The following UNC5C variants were observed in gnomAD, a reference collection of about 807,000 sequenced individuals.
The protein encoded by UNC5C is netrin receptor UNC5C.
In UNC5C, 47 loss-of-function variants were observed where a neutral mutation model predicts 99.8. That is an observed-to-expected ratio of 0.47 (90% CI 0.37 to 0.60). The LOEUF is 0.60. Among genes scored for constraint, UNC5C ranks in the 20% least tolerant of loss-of-function variants. The pLI, the probability that UNC5C is intolerant of heterozygous loss-of-function variation, is 0.00. For missense variants in UNC5C, 1,062 were observed against 1,165.9 expected (o/e 0.91, Z 1.30); for synonymous variants, 487 against 452.2 (o/e 1.08, Z -0.98).
intron 5 of UNC5C, among the ~76,000 whole-genome samples, chr4:95,247,168 A>G (rs1739533537): frequency 1.3e-5 from 2 of 152,016 alleles, no homozygotes; most frequent in Admixed American, 6.6e-5. Flanking sequence ...TGTATTCCAA[A>G]TTTTCTTTAA....
chr4:95,203,628 C>T (rs1220952743), intron 11 of UNC5C, among the ~76,000 whole-genome samples: 1 of 152,072 alleles, frequency 6.6e-6, no homozygotes, highest in Non-Finnish European at 1.5e-5. Flanking sequence ...TGCAACCACA[C>T]CTGGCTAATT....
rs1346363517 is a variant in UNC5C at position 95,301,700 on chromosome 4, T to G, written c.396A>C (p.Glu132Asp). 1 of 1,613,416 alleles carries G rather than the reference T, an allele frequency of 6.2e-7. No individual in the cohort carries two copies. Among genetic ancestry groups the G allele is most frequent in the Non-Finnish European group, 8.5e-7 (1 of 1,180,030 alleles). Reference protein sequence around the residue: ...VSIEISRQQVEELFGPEDYWC... With the variant: ...VSIEISRQQVDELFGPEDYWC... ...AGTAATCTTCAGGTCCAAAGAGTTC[T>G]TCCACTTGCTGGCGCGAAATCTCAA... The change falls in exon 3 of 16, where the codon GAA becomes GAC. Residue 132 changes from glutamate to aspartate, a missense_variant. Glu to Asp is a conservative substitution (Grantham distance 45, BLOSUM62 2). Around this residue, in one of 3 missense-constraint regions of UNC5C, gnomAD observed 249 missense variants for 295.1 expected, o/e 0.84. Transcript: ENST00000453304.
intron 1 of UNC5C, among the ~76,000 whole-genome samples, chr4:95,525,602 A>AAAAAAAAAAAAAAAAAC (rs1722479416): frequency 6.7e-6 from 1 of 149,970 alleles, no homozygotes; most frequent in African/African-American, 2.4e-5. Context: ...TTCTTAAAAA[A>AAAAAAAAAAAAAAAAAC]AAAAAAAAAA....
intron 1 of UNC5C, among the ~76,000 whole-genome samples, chr4:95,370,916 G>A (rs1310471633): frequency 6.6e-6 from 1 of 152,184 alleles, no homozygotes; most frequent in African/African-American, 2.4e-5. Flanking sequence ...TAAGCGGTCT[G>A]TAGAGGGAAA....
intron 15 of UNC5C, 32 bp from the exon 16 acceptor site, chr4:95,169,431 A>C: frequency 1.2e-6 from 2 of 1,607,910 alleles, no homozygotes; most frequent in Non-Finnish European, 1.7e-6. Flanking sequence ...TGTGCTCAAC[A>C]GTGTGACTTA....
chr4:95,170,917 T>C (rs1380912458), intron 14 of UNC5C, among the ~76,000 whole-genome samples: 4 of 152,216 alleles, frequency 2.6e-5, no homozygotes, highest in Admixed American at 2.6e-4. Context: ...AAAAAGAAAA[T>C]GGTAAACACA....
chr4:95,512,187 C>T (rs1195534728), intron 1 of UNC5C, among the ~76,000 whole-genome samples: 2 of 152,016 alleles, frequency 1.3e-5, no homozygotes, highest in African/African-American at 4.8e-5. Context: ...TTTAAAGGTT[C>T]AAGCTGGAAC....
intron 2 of UNC5C, among the ~76,000 whole-genome samples, chr4:95,310,270 TCA>T (rs1330465105): frequency 6.6e-6 from 1 of 152,110 alleles, no homozygotes; most frequent in Non-Finnish European, 1.5e-5. Context: ...AAATGGTGGT[TCA>T]CAGAGGGTAG....
chr4:95,226,616 G>A (rs995397489), intron 7 of UNC5C, among the ~76,000 whole-genome samples: 17 of 152,270 alleles, frequency 1.1e-4, no homozygotes, highest in African/African-American at 2.2e-4. Context: ...CAGAGAAGCC[G>A]TATGCAATGC....
chr4:95,190,534 C>T (rs1737039271), intron 12 of UNC5C, among the ~76,000 whole-genome samples: 1 of 152,004 alleles, frequency 6.6e-6, no homozygotes, highest in African/African-American at 2.4e-5. Flanking sequence ...CCTTGTTGCT[C>T]CTTGAACTCT....
intron 1 of UNC5C, among the ~76,000 whole-genome samples, chr4:95,445,038 G>C (rs1223649276): frequency 6.6e-6 from 1 of 152,020 alleles, no homozygotes. Flanking sequence ...ATTTCAGAAG[G>C]GAAGGAGAGC....
chr4:95,477,067 A>G (rs1442189375), intron 1 of UNC5C, among the ~76,000 whole-genome samples: 1 of 152,130 alleles, frequency 6.6e-6, no homozygotes, highest in Non-Finnish European at 1.5e-5. Flanking sequence ...AGCAAGAGAA[A>G]TGGAATGTTC....
At chr4:95,478,437 C>A (rs900639118) in intron 1 of UNC5C, among the ~76,000 whole-genome samples, 4 of 152,006 alleles carry the variant, frequency 2.6e-5, no homozygotes, top group African/African-American at 9.7e-5. Flanking sequence ...AGATTCTAAA[C>A]GTTCTTCCAC....
rs1735912997 is a variant in UNC5C at position 95,167,725 on chromosome 4, A to G, written c.*1509T>C. 6.6e-6 allele frequency: 1 copy of G among 152,214 alleles called. No individual in the cohort carries two copies. Among genetic ancestry groups the G allele is most frequent in the South Asian group, 2.1e-4 (1 of 4,828 alleles). 9.4% of individuals were successfully genotyped at this position (152,214 alleles called of 1,614,324 possible). Reference sequence around the variant, plus strand: ...CAGAGCGACTCAGGCCAAACAAACAACATCATAATGCTGGTTAGAATAATC... The same window carrying G: ...CAGAGCGACTCAGGCCAAACAAACAGCATCATAATGCTGGTTAGAATAATC... On this transcript the variant is annotated 3_prime_UTR_variant, in exon 16 of 16. Coordinates refer to ENST00000453304, the MANE Select transcript of UNC5C (RefSeq NM_003728.4).
At chr4:95,204,541 G>A (rs1737805342) in intron 11 of UNC5C, among the ~76,000 whole-genome samples, 2 of 152,252 alleles carry the variant, frequency 1.3e-5, no homozygotes, top group Non-Finnish European at 2.9e-5. Context: ...CATGTTCCAA[G>A]ACAGGCTGGA....
intron 1 of UNC5C, among the ~76,000 whole-genome samples, chr4:95,525,175 C>G (rs902525649): frequency 2.0e-5 from 3 of 152,172 alleles, no homozygotes; most frequent in Non-Finnish European, 2.9e-5. Flanking sequence ...TGAGAATGCA[C>G]TCCCCTGTGT....
intron 3 of UNC5C, among the ~76,000 whole-genome samples, chr4:95,296,647 T>A (rs905172104): frequency 2.0e-5 from 3 of 152,152 alleles, no homozygotes; most frequent in African/African-American, 7.2e-5. Flanking sequence ...AGCAAGTCAA[T>A]GTAGTGTGGA....
At chr4:95,339,153 C>T (rs1743460481) in intron 1 of UNC5C, among the ~76,000 whole-genome samples, 1 of 152,048 alleles carries the variant, frequency 6.6e-6, no homozygotes, top group South Asian at 2.1e-4. Flanking sequence ...AAGGAAAACA[C>T]AATTGTTCAG....
chr4:95,493,395 T>C (rs192827501), intron 1 of UNC5C, among the ~76,000 whole-genome samples: 1 of 151,408 alleles, frequency 6.6e-6, no homozygotes, highest in African/African-American at 2.4e-5. Context: ...GGAAATATGG[T>C]CAGGAACAGA....
Sources: gnomAD v4.1 joint callset for allele counts (sites outside exome capture counted in the v4.1 genomes callset) on GRCh38, gnomAD v4.1.1 for gene constraint, gnomAD v4.1.1 regional missense constraint, MANE v1.5 for transcripts, NCBI Gene and HGNC (gene_info 2026-07-23, HGNC 2026-07-21) for gene names.